TAOK3: variants seen among roughly 807,000 people sequenced by gnomAD.
TAOK3 encodes serine/threonine-protein kinase TAO3.
In TAOK3, 40 loss-of-function variants were observed where a neutral mutation model predicts 120.4. The ratio of observed to expected loss-of-function variants is 0.33; its 90% CI spans 0.26 to 0.43. The LOEUF (loss-of-function observed/expected upper bound fraction) is 0.43, where lower values mean the gene tolerates loss of function less well. Among genes scored for constraint, TAOK3 ranks in the 20% least tolerant of loss-of-function variants. The probability of loss-of-function intolerance (pLI) is 1.00; values close to 1 mark genes in which losing one functional copy is unlikely to be tolerated. For synonymous variants in TAOK3, 355 were observed against 387.5 expected (o/e 0.92, Z 0.99); for missense variants, 821 against 1,112.1 (o/e 0.74, Z 3.72).
At chr12:118,344,705 C>A (rs2044778600) in intron 1 of TAOK3, among the ~76,000 whole-genome samples, 1 of 152,082 alleles carries the variant, frequency 6.6e-6, no homozygotes, top group Non-Finnish European at 1.5e-5. Flanking sequence ...TTCCTCTTAA[C>A]TGCAAAATAA....
chr12:118,185,937 T>C (rs1303174548), intron 14 of TAOK3, among the ~76,000 whole-genome samples: 1 of 152,230 alleles, frequency 6.6e-6, no homozygotes, highest in Non-Finnish European at 1.5e-5. Context: ...ATAAGCATCC[T>C]CTGGTATACT....
At chr12:118,258,932 A>C (rs2041108855) in intron 2 of TAOK3, among the ~76,000 whole-genome samples, 1 of 152,174 alleles carries the variant, frequency 6.6e-6, no homozygotes, top group South Asian at 2.1e-4. Context: ...AAACTTTAGA[A>C]TATTTTGGCT....
At chr12:118,333,384 A>G (rs1236349556) in intron 1 of TAOK3, among the ~76,000 whole-genome samples, 1 of 152,246 alleles carries the variant, frequency 6.6e-6, no homozygotes, top group Non-Finnish European at 1.5e-5. Flanking sequence ...TAAACAATGC[A>G]TGAGTTAAAA....
Position 118,212,963 on chromosome 12 carries a change from C to A in TAOK3, c.770G>T (p.Cys257Phe), listed in dbSNP as rs1172139282. 2 of 1,612,598 alleles carry A rather than the reference C, an allele frequency of 1.2e-6. No individual in the cohort carries two copies. The highest frequency in any genetic ancestry group is 1.7e-6 in the Non-Finnish European group (2 of 1,179,584). ...CCTTTCCTGAGGTATTTTCTGCAAGCAGTAATCAACAAATCTCCTAAAGGA... is the reference window on the plus strand; with the variant it reads ...CCTTTCCTGAGGTATTTTCTGCAAGAAGTAATCAACAAATCTCCTAAAGGA... ...TDSFRRFVDYCLQKIPQERPT... is the reference protein window; with the variant it reads ...TDSFRRFVDYFLQKIPQERPT... Residue 257 changes from cysteine to phenylalanine, a missense_variant, in exon 11 of 21, where the codon TGC becomes TTC. Physicochemically the swap from Cys to Phe is radical, Grantham distance 205. Transcript: ENST00000392533.
At chr12:118,305,637 G>A (rs572487654) in intron 1 of TAOK3, among the ~76,000 whole-genome samples, 6 of 152,200 alleles carry the variant, frequency 3.9e-5, no homozygotes, top group African/African-American at 1.4e-4. Flanking sequence ...GGGCGTGGTG[G>A]CTCACGCCTG....
intron 2 of TAOK3, among the ~76,000 whole-genome samples, chr12:118,258,690 G>A (rs1179374848): frequency 6.7e-6 from 1 of 149,978 alleles, no homozygotes; most frequent in Non-Finnish European, 1.5e-5. Context: ...CAAGCCTGGT[G>A]ATGACAGAGC....
intron 1 of TAOK3, among the ~76,000 whole-genome samples, chr12:118,269,383 CT>C (rs1174725563): frequency 0.016 from 1,709 of 103,936 alleles, 14 homozygotes; most frequent in African/African-American, 0.044. Context: ...TCTCTCTCTT[CT>C]TTTTTTTTTT....
intron 13 of TAOK3, among the ~76,000 whole-genome samples, chr12:118,195,299 TA>T (rs1490316186): frequency 1.3e-5 from 2 of 152,144 alleles, no homozygotes; most frequent in Non-Finnish European, 2.9e-5. Context: ...TATACTTTAG[TA>T]AAATAAAAAT....
At chr12:118,269,494 C>T (rs2041611290) in intron 1 of TAOK3, among the ~76,000 whole-genome samples, 1 of 149,096 alleles carries the variant, frequency 6.7e-6, no homozygotes, top group Non-Finnish European at 1.5e-5. Flanking sequence ...CCTCAGCCTT[C>T]CAAGTAGCTG....
chr12:118,201,334 G>T lies in TAOK3; in HGVS notation c.949C>A (p.Arg317=), dbSNP rs762998454. The change falls in exon 12 of 21, where the codon CGG becomes AGG. Residue 317 remains arginine (R), a synonymous_variant. Coordinates refer to ENST00000392533, the MANE Select transcript of TAOK3 (RefSeq NM_016281.4). ...TGTGACTCATTCAAGGGTCCATTCC[G>T]TGTCTCTTGGAAAAGTATTTTTTTC... ...KMKKILFQET[R]NGPLNESQED... 2 of 1,613,788 alleles carry T rather than the reference G, an allele frequency of 1.2e-6. No individual in the cohort carries two copies. The highest frequency in any genetic ancestry group is 1.3e-5 in the African/African-American group (1 of 74,888).
At chr12:118,296,974 T>G (rs893804369) in intron 1 of TAOK3, 4 of 152,214 alleles carry the variant, frequency 2.6e-5, no homozygotes, top group Admixed American at 6.5e-5. Flanking sequence ...GGACATGAAC[T>G]CTTTCCTTTG....
chr12:118,234,391 C>A (rs188311599), intron 8 of TAOK3, among the ~76,000 whole-genome samples: 1 of 151,122 alleles, frequency 6.6e-6, no homozygotes, highest in East Asian at 2.0e-4. Context: ...ACTACAGGCG[C>A]CTGCCACCAT....
At chr12:118,358,938 C>T (rs2045500265) in intron 1 of TAOK3, 1 of 152,094 alleles carries the variant, frequency 6.6e-6, no homozygotes, top group Non-Finnish European at 1.5e-5. Context: ...ATCTCAAACG[C>T]ATGTCCTATA....
intron 1 of TAOK3, among the ~76,000 whole-genome samples, chr12:118,274,511 A>G (rs911173099): frequency 1.3e-5 from 2 of 152,190 alleles, no homozygotes; most frequent in African/African-American, 4.8e-5. Flanking sequence ...AAAAGCAAAA[A>G]TATCAATTAT....
intron 1 of TAOK3, among the ~76,000 whole-genome samples, chr12:118,333,131 C>T (rs2044221372): frequency 6.6e-6 from 1 of 152,148 alleles, no homozygotes; most frequent in Non-Finnish European, 1.5e-5. Flanking sequence ...TATCAACCAA[C>T]AGGATCTAAC....
chr12:118,244,870 G>C (rs767007962), intron 4 of TAOK3, 24 bp downstream of exon 4: 1 of 1,543,260 alleles, frequency 6.5e-7, no homozygotes, highest in South Asian at 1.1e-5. Flanking sequence ...TTTCAGTTTA[G>C]GTATACAACT....
At chr12:118,367,419 T>A (rs1030496357) in intron 1 of TAOK3, among the ~76,000 whole-genome samples, 16 of 152,094 alleles carry the variant, frequency 1.1e-4, no homozygotes, top group African/African-American at 3.4e-4. Flanking sequence ...ATAGTTTTTT[T>A]TTTTTTTTAA....
chr12:118,348,055 A>G (rs770416091), intron 1 of TAOK3, among the ~76,000 whole-genome samples: 4 of 152,126 alleles, frequency 2.6e-5, no homozygotes, highest in Non-Finnish European at 4.4e-5. Context: ...TGAATATCCT[A>G]CATTTTGTTC....
At chr12:118,276,169 G>A (rs1226135225) in intron 1 of TAOK3, among the ~76,000 whole-genome samples, 5 of 152,164 alleles carry the variant, frequency 3.3e-5, no homozygotes, top group Non-Finnish European at 7.4e-5. Context: ...TAGAAGCAAG[G>A]TTAAAAACAC....
Sources: gnomAD v4.1 joint callset for allele counts (sites outside exome capture counted in the v4.1 genomes callset) on GRCh38, gnomAD v4.1.1 for gene constraint, MANE v1.5 for transcripts, NCBI Gene and HGNC (gene_info 2026-07-23, HGNC 2026-07-21) for gene names.